The following CCDC33 variants were observed in gnomAD, a reference collection of about 807,000 sequenced individuals.
The protein encoded by CCDC33 is coiled-coil domain containing 33, also known as coiled-coil domain-containing protein 33.
In CCDC33, 94 loss-of-function variants were observed where a neutral mutation model predicts 91.9. That is an observed-to-expected ratio of 1.02 (90% CI 0.87 to 1.21). CCDC33 has a LOEUF of 1.21. CCDC33 is among the 50% of genes most tolerant of loss of function. The pLI is 0.00. For missense variants in CCDC33, 940 were observed against 935.5 expected (o/e 1.00, Z -0.06); for synonymous variants, 396 against 374.5 (o/e 1.06, Z -0.66).
At position 74,316,164 on chromosome 15, in the gene CCDC33, C is replaced by G. The variant is rs1214576589; in HGVS notation, c.1291-14025C>G. On this transcript the variant is annotated intron_variant, in intron 11 of 18. Coordinates refer to ENST00000398814, the MANE Select transcript of CCDC33 (RefSeq NM_025055.5). The surrounding 1 kb of genome is among the most constrained non-coding windows in gnomAD (Gnocchi z 4.7). ...TGAAATGCCTGAGACCAGGCGGGAGCCCCTGGGGCCTCCCTGGCTTCATGG... is the reference window on the plus strand; with the variant it reads ...TGAAATGCCTGAGACCAGGCGGGAGGCCCTGGGGCCTCCCTGGCTTCATGG... 6.6e-6 allele frequency among the ~76,000 whole-genome samples: 1 copy of G among 152,154 alleles called. No individual in the cohort carries two copies. The highest frequency in any genetic ancestry group is 1.9e-4 in the East Asian group (1 of 5,178).
intron 2 of CCDC33, among the ~76,000 whole-genome samples, chr15:74,224,314 C>T (rs1412155245): frequency 1.3e-5 from 2 of 152,316 alleles, no homozygotes; most frequent in Admixed American, 6.5e-5. Context: ...CCTCTGGGTG[C>T]GTTGAAACAC....
chr15:74,298,492 T>G (rs1298726707), intron 11 of CCDC33, among the ~76,000 whole-genome samples: 1 of 152,178 alleles, frequency 6.6e-6, no homozygotes, highest in Non-Finnish European at 1.5e-5. Flanking sequence ...GATTGCAGCT[T>G]GAGAAGTCAA....
upstream of CCDC33, among the ~76,000 whole-genome samples, chr15:74,214,629 A>G (rs2074395731): frequency 6.6e-6 from 1 of 152,172 alleles, no homozygotes; most frequent in Admixed American, 6.5e-5. Context: ...CCAGATTTCT[A>G]CATAGAACTG....
intron 1 of CCDC33, among the ~76,000 whole-genome samples, chr15:74,236,949 T>G (rs1285374232): frequency 6.6e-6 from 1 of 152,242 alleles, no homozygotes; most frequent in Non-Finnish European, 1.5e-5. Flanking sequence ...GGAACTGGAA[T>G]GCAGTGTACT....
Position 74,330,320 on chromosome 15 carries a change from G to A in CCDC33, c.1422G>A (p.Glu474=), listed in dbSNP as rs376864914. Residue 474 remains glutamate, a synonymous_variant, in exon 12 of 19, where the codon GAG becomes GAA. Transcript: ENST00000398814. ...GCCTGGCCCAGCAGGAGGAGGAAGA[G>A]GGGCAGGGCAAAGCCAGTGAGGCCC... ...RSRLAQQEEE[E]GQGKASEAQN... The A allele has an allele frequency of 1.4e-4, 224 of 1,609,014 alleles. No individual in the cohort carries two copies. Among genetic ancestry groups the A allele is most frequent in the Non-Finnish European group, 1.8e-4 (216 of 1,178,582 alleles).
chr15:74,203,399 T>C (rs994965333), intron 1 of CCDC33, among the ~76,000 whole-genome samples: 5 of 152,014 alleles, frequency 3.3e-5, no homozygotes, highest in African/African-American at 2.4e-5. Context: ...CTCCGCATTC[T>C]CCCTCCCCAG....
chr15:74,316,809 G>A lies in CCDC33; in HGVS notation c.1291-13380G>A, dbSNP rs767578657. On this transcript the variant is annotated intron_variant, in intron 11 of 18. Transcript: ENST00000398814. This position sits in a 1 kb window ranked among gnomAD's most constrained non-coding sequence, Gnocchi z 4.7. ...CTTATATGCCAGACGCTGCTCGGAC[G>A]TGTACACTCGCAGCCTCATTTAATC... 1.2e-4 allele frequency among the ~76,000 whole-genome samples: 18 copies of A among 152,288 alleles called. No homozygotes were observed. The highest frequency in any genetic ancestry group is 2.1e-4 in the South Asian group (1 of 4,816).
rs534386761 is a variant in CCDC33 at position 74,335,030 on chromosome 15, T to G, written c.2081T>G (p.Leu694Arg). 9 of 1,614,136 alleles carry G rather than the reference T, an allele frequency of 5.6e-6. No homozygotes were observed. The Admixed American group carries it at 1.2e-4, about 21-fold the overall frequency. Reference sequence around the variant, plus strand: ...GAGAAGCAGGATCTGGCCACACGGCTGCAGGAGCAAGAAAAAGGTTTCAGG... The same window carrying G: ...GAGAAGCAGGATCTGGCCACACGGCGGCAGGAGCAAGAAAAAGGTTTCAGG... ...GREKQDLATR[L>R]QEQEKGFRHP... The change falls in exon 18 of 19, where the codon CTG becomes CGG. Residue 694 changes from leucine to arginine, a missense_variant. By Grantham distance (102) the Leu-to-Arg change is moderately radical. Coordinates refer to ENST00000398814, the MANE Select transcript of CCDC33 (RefSeq NM_025055.5).
intron 11 of CCDC33, among the ~76,000 whole-genome samples, chr15:74,310,656 C>T (rs2059975989): frequency 6.6e-6 from 1 of 152,194 alleles, no homozygotes; most frequent in African/African-American, 2.4e-5. Context: ...GAGTGCTGCC[C>T]CCAGGAAGCC....
chr15:74,311,733 T>A (rs1596092302), intron 11 of CCDC33: 1 of 151,628 alleles, frequency 6.6e-6, no homozygotes, highest in Non-Finnish European at 1.5e-5. Flanking sequence ...ATCATAGGAG[T>A]TCTCATCGAG....
upstream of CCDC33, among the ~76,000 whole-genome samples, chr15:74,214,839 A>G (rs143117928): frequency 1.5e-3 from 223 of 152,060 alleles, no homozygotes; most frequent in African/African-American, 5.3e-3. Context: ...AGCCAAAAGA[A>G]CTCTTATTCC....
At chr15:74,251,126 A>G (rs980972269) in intron 2 of CCDC33, among the ~76,000 whole-genome samples, 3 of 152,232 alleles carry the variant, frequency 2.0e-5, no homozygotes, top group Non-Finnish European at 4.4e-5. Flanking sequence ...TTTGGCCTGC[A>G]TGCTGCTGCA....
intron 2 of CCDC33, among the ~76,000 whole-genome samples, chr15:74,258,680 ATGTG>A (rs376720899): frequency 6.6e-6 from 1 of 151,858 alleles, no homozygotes; most frequent in Non-Finnish European, 1.5e-5. Context: ...GTATGTGTGG[ATGTG>A]TGTGTGTGTC....
chr15:74,246,659 C>A (rs2142287090), intron 2 of CCDC33, among the ~76,000 whole-genome samples: 1 of 152,326 alleles, frequency 6.6e-6, no homozygotes, highest in South Asian at 2.1e-4. Context: ...CTCAAAAACA[C>A]AAGAGATAAG....
intron 11 of CCDC33, chr15:74,318,514 G>C: frequency 6.2e-6 from 4 of 644,478 alleles, no homozygotes; most frequent in East Asian, 6.0e-5. Context: ...GGCTGGGCTT[G>C]GTCACCAGGC....
intron 11 of CCDC33, among the ~76,000 whole-genome samples, chr15:74,296,422 C>T (rs372546961): frequency 6.6e-6 from 1 of 151,984 alleles, no homozygotes; most frequent in East Asian, 1.9e-4. Flanking sequence ...GTCGGGAGTT[C>T]GAGACCAGCC....
At chr15:74,310,742 AGCAGGCTGT>A (rs2059977867) in intron 11 of CCDC33, among the ~76,000 whole-genome samples, 1 of 152,090 alleles carries the variant, frequency 6.6e-6, no homozygotes, top group Non-Finnish European at 1.5e-5. Context: ...GGCAAGGCTG[AGCAGGCTGT>A]AGAGAAGGTT....
chr15:74,211,153 G>GCACA (rs71137380), intron 2 of CCDC33, among the ~76,000 whole-genome samples: 17 of 148,682 alleles, frequency 1.1e-4, no homozygotes, highest in African/African-American at 2.5e-4. Context: ...GCACGCACAC[G>GCACA]CACACACACA....
intron 11 of CCDC33, among the ~76,000 whole-genome samples, chr15:74,308,078 A>G (rs1467632716): frequency 6.6e-6 from 1 of 152,076 alleles, no homozygotes; most frequent in Non-Finnish European, 1.5e-5. Flanking sequence ...CACGGGCTCT[A>G]GGTGGGCACG....
Sources: allele counts gnomAD v4.1 joint callset (sites outside exome capture counted in the v4.1 genomes callset), GRCh38; gene constraint gnomAD v4.1.1; non-coding constraint Gnocchi (gnomAD v3.1); transcripts MANE v1.5; gene names NCBI Gene and HGNC (gene_info 2026-07-23, HGNC 2026-07-21).